ABCC9: variants seen among roughly 807,000 people sequenced by gnomAD.
ABCC9 encodes ATP binding cassette subfamily C member 9.
Under a neutral mutation model 188.3 loss-of-function variants are expected in ABCC9, and 95 were observed. The observed-to-expected ratio is 0.50, with a 90% CI of 0.43 to 0.60. The LOEUF is 0.60. ABCC9 is among the 20% of genes least tolerant of loss of function. The pLI is 0.00. For synonymous variants in ABCC9, 659 were observed against 652.7 expected, an observed-to-expected ratio of 1.01 and a Z score of -0.15; for missense variants, 1,102 against 1,876.3, an observed-to-expected ratio of 0.59 and a Z score of 7.62.
chr12:21,894,712 G>T (rs1947319495), intron 13 of ABCC9, among the ~76,000 whole-genome samples: 1 of 152,110 alleles, frequency 6.6e-6, no homozygotes, highest in African/African-American at 2.4e-5. Context: ...CCAGGCTCAG[G>T]TGATCCTCCC....
Position 21,941,034 on chromosome 12 carries a change from G to C in ABCC9, c.-137+166C>G, listed in dbSNP as rs971278305. Reference sequence around the variant, plus strand: ...CCCTTCACTTCTCGAGCCGGGCCTCGTCCCTTAATTCTAGAAATAGCGATC... The same window carrying C: ...CCCTTCACTTCTCGAGCCGGGCCTCCTCCCTTAATTCTAGAAATAGCGATC... On this transcript the variant is annotated intron_variant, in intron 1 of 39. Transcript: ENST00000261200. This position sits in a 1 kb window ranked among gnomAD's most constrained non-coding sequence, Gnocchi z 5.4. Among the ~76,000 whole-genome samples the C allele has an allele frequency of 8.5e-5, 13 of 152,168 alleles. No homozygotes were observed. Among genetic ancestry groups the C allele is most frequent in the African/African-American group, 3.1e-4 (13 of 41,448 alleles).
At chr12:21,866,962 C>T (rs1945812060) in intron 18 of ABCC9, among the ~76,000 whole-genome samples, 1 of 151,938 alleles carries the variant, frequency 6.6e-6, no homozygotes, top group Non-Finnish European at 1.5e-5. Context: ...TAAATAAAGA[C>T]ATTTATAAGA....
intron 18 of ABCC9, 24 bp from the exon 19 acceptor site, chr12:21,864,501 C>A: frequency 6.5e-7 from 1 of 1,540,034 alleles, no homozygotes; most frequent in Non-Finnish European, 9.0e-7. Context: ...AAACAATGTT[C>A]ATTAATTATG....
At chr12:21,848,608 T>C (rs974389628) in intron 24 of ABCC9, among the ~76,000 whole-genome samples, 1 of 152,200 alleles carries the variant, frequency 6.6e-6, no homozygotes, top group Non-Finnish European at 1.5e-5. Context: ...TAATTAAGGA[T>C]TCATTCATGT....
At chr12:21,923,753 C>G in intron 5 of ABCC9, 1 of 672,726 alleles carries the variant, frequency 1.5e-6, no homozygotes, top group Non-Finnish European at 2.7e-6. Context: ...TTGTATGACC[C>G]AGAGATTTCA....
Position 21,875,694 on chromosome 12 carries a change from ACCACTGCC to A in ABCC9, c.2044_2051del (p.Gly682PhefsTer37). On this transcript the variant is annotated frameshift_variant, in exon 17 of 40. Coordinates refer to ENST00000261200, the MANE Select transcript of ABCC9 (RefSeq NM_020297.4). LOFTEE classifies it high-confidence loss of function. ...TATCTATATTGGATAATGTAGCTAA[ACCACTGCC>A]CCATGAAAAGTATCCATTTGTGACC... The A allele has an allele frequency of 6.2e-7, 1 of 1,612,886 alleles. No homozygotes were observed. Among genetic ancestry groups the A allele is most frequent in the Non-Finnish European group, 8.5e-7 (1 of 1,178,928 alleles).
chr12:21,940,433 C>T (rs190634672), intron 2 of ABCC9, among the ~76,000 whole-genome samples: 2 of 152,270 alleles, frequency 1.3e-5, no homozygotes, highest in African/African-American at 4.8e-5. Flanking sequence ...TATTCAGTCC[C>T]TAGTTCATGA....
intron 7 of ABCC9, among the ~76,000 whole-genome samples, chr12:21,913,857 C>A (rs907727489): frequency 3.3e-5 from 5 of 152,110 alleles, no homozygotes; most frequent in Admixed American, 2.6e-4. Context: ...ATTATGTTCC[C>A]TATGCAACCC....
intron 19 of ABCC9, among the ~76,000 whole-genome samples, chr12:21,863,379 A>G (rs1302771322): frequency 8.0e-6 from 1 of 124,610 alleles, no homozygotes; most frequent in South Asian, 2.6e-4. Context: ...AAATAATTAA[A>G]AGATTATAGC....
At chr12:21,848,074 G>A (rs760661369) in intron 25 of ABCC9, 76 bp downstream of exon 25, 49 of 1,282,382 alleles carry the variant, frequency 3.8e-5, no homozygotes, top group East Asian at 1.4e-4. Context: ...ATTCCTCATG[G>A]AGACACTCAC....
intron 12 of ABCC9, among the ~76,000 whole-genome samples, chr12:21,901,566 C>T (rs1273202783): frequency 1.3e-5 from 2 of 152,062 alleles, no homozygotes; most frequent in Non-Finnish European, 2.9e-5. Context: ...ACCCATCTCA[C>T]GTGTAGAGAC....
chr12:21,818,857 C>T (rs777663598), intron 31 of ABCC9, among the ~76,000 whole-genome samples: 2 of 151,782 alleles, frequency 1.3e-5, no homozygotes, highest in Non-Finnish European at 2.9e-5. Context: ...AATAGCAAAA[C>T]CCACAATTAC....
rs943251768 is a variant in ABCC9, at chr12:21,810,057, G to T, written c.4212-102C>A. ...TTTCCTTACAATGTAAGTTCCATTTGTTTTGGTTACTGCTGTATATTCAGC... is the reference window on the plus strand; with the variant it reads ...TTTCCTTACAATGTAAGTTCCATTTTTTTTGGTTACTGCTGTATATTCAGC... On this transcript the variant is annotated intron_variant, in intron 36 of 39. Transcript: ENST00000261200. The T allele has an allele frequency of 5.1e-6, 4 of 786,210 alleles. No individual in the cohort carries two copies. The South Asian group carries it at 5.9e-5, about 12-fold the overall frequency. 48.7% of individuals were successfully genotyped at this position (786,210 alleles called of 1,614,324 possible).
chr12:21,859,694 A>C, intron 21 of ABCC9, 28 bp from the exon 22 acceptor site: 2 of 1,564,948 alleles, frequency 1.3e-6, no homozygotes, highest in South Asian at 2.2e-5. Context: ...CCAAATACCC[A>C]TTTTTTAATA....
chr12:21,821,113 A>G (rs906924336), intron 31 of ABCC9, among the ~76,000 whole-genome samples: 3 of 152,152 alleles, frequency 2.0e-5, no homozygotes, highest in African/African-American at 7.2e-5. Flanking sequence ...CTATTTTCCA[A>G]CTTAGGACTT....
intron 4 of ABCC9, among the ~76,000 whole-genome samples, chr12:21,927,265 C>T (rs993087971): frequency 6.6e-6 from 1 of 152,156 alleles, no homozygotes; most frequent in Non-Finnish European, 1.5e-5. Context: ...CCGTGGAAAA[C>T]TGAAACACTT....
At chr12:21,804,991 C>G (rs1591926561) in intron 39 of ABCC9, 1 of 237,690 alleles carries the variant, frequency 4.2e-6, no homozygotes, top group Middle Eastern at 2.1e-3. Context: ...CATGCATGAG[C>G]TCCATTCGGT....
chr12:21,814,527 G>T, intron 35 of ABCC9, 117 bp downstream of exon 35: 1 of 838,082 alleles, frequency 1.2e-6, no homozygotes, highest in Non-Finnish European at 2.0e-6. Flanking sequence ...TGAACCATGT[G>T]TAGAGCACAA....
intron 28 of ABCC9, among the ~76,000 whole-genome samples, chr12:21,843,771 G>C (rs1944502438): frequency 6.6e-6 from 1 of 152,136 alleles, no homozygotes; most frequent in South Asian, 2.1e-4. Context: ...TAACACCAAT[G>C]CCATGAAAAC....
Sources: gnomAD v4.1 joint callset for allele counts (sites outside exome capture counted in the v4.1 genomes callset) on GRCh38, gnomAD v4.1.1 for gene constraint, Gnocchi (gnomAD v3.1) non-coding constraint, MANE v1.5 for transcripts, NCBI Gene and HGNC (gene_info 2026-07-23, HGNC 2026-07-21) for gene names.